Variants in ITGAE observed in about 807,000 individuals in gnomAD.
ITGAE encodes the protein integrin subunit alpha E.
A neutral mutation model predicts 136.5 loss-of-function variants in ITGAE; 99 were observed. The observed-to-expected ratio is 0.73, with a 90% confidence interval of 0.62 to 0.86. The LOEUF (loss-of-function observed/expected upper bound fraction) is 0.86, where lower values mean the gene tolerates loss of function less well. Ranked by LOEUF, ITGAE falls within the 40% of genes least tolerant of loss-of-function variation. The pLI is 0.00. For synonymous variants in ITGAE, 613 were observed against 591.8 expected (o/e 1.04, Z -0.52); for missense variants, 1,447 against 1,515.3 (o/e 0.95, Z 0.75).
chr17:3,723,486 G>T, intron 27 of ITGAE, 103 bp from the exon 28 acceptor site: 1 of 1,023,690 alleles, frequency 9.8e-7, no homozygotes, highest in Non-Finnish European at 1.5e-6. Flanking sequence ...CAGAATAGAG[G>T]GTGTGAGCAA....
At chr17:3,785,606 TAACC>T (rs2052774173) in intron 1 of ITGAE, among the ~76,000 whole-genome samples, 1 of 151,830 alleles carries the variant, frequency 6.6e-6, no homozygotes, top group Non-Finnish European at 1.5e-5. Flanking sequence ...CATTTCTAAA[TAACC>T]CAGGGTGAAA....
chr17:3,793,186 G>A (rs1298033422), intron 1 of ITGAE, among the ~76,000 whole-genome samples: 2 of 151,948 alleles, frequency 1.3e-5, no homozygotes, highest in Non-Finnish European at 2.9e-5. Flanking sequence ...CTGAGTAGCT[G>A]GGAAAACAGG....
At chr17:3,716,947 T>C (rs1049154441) in intron 29 of ITGAE, 149 bp from the exon 30 acceptor site, 2 of 583,828 alleles carry the variant, frequency 3.4e-6, no homozygotes, top group Non-Finnish European at 6.1e-6. Flanking sequence ...AAGCTAGATA[T>C]TCCCTGATGC....
At chr17:3,755,966 G>T in intron 10 of ITGAE, 69 bp from the exon 11 acceptor site, 1 of 1,466,440 alleles carries the variant, frequency 6.8e-7, no homozygotes, top group Middle Eastern at 1.7e-4. Context: ...TCAGGGGACA[G>T]TCCAGCTTGG....
intron 1 of ITGAE, among the ~76,000 whole-genome samples, chr17:3,790,285 T>C (rs1432000890): frequency 6.6e-6 from 1 of 152,090 alleles, no homozygotes; most frequent in East Asian, 1.9e-4. Context: ...CATGGGTGGA[T>C]CACCTGAGGT....
In ITGAE at chr17:3,798,648, G is replaced by A. The variant is rs1201860719; in HGVS notation, c.34+2463C>T. On this transcript the variant is annotated intron_variant, in intron 1 of 30. Transcript: ENST00000263087. This position sits in a 1 kb window ranked among gnomAD's most constrained non-coding sequence, Gnocchi z 4.3. ...CAGCCCCTGGCCTCAGCCCGAGTGCGTGCCACCAGCAGAGCGGGCCCTGGA... is the reference window on the plus strand; with the variant it reads ...CAGCCCCTGGCCTCAGCCCGAGTGCATGCCACCAGCAGAGCGGGCCCTGGA... 6.6e-6 allele frequency among the ~76,000 whole-genome samples: 1 copy of A among 152,198 alleles called. No individual in the cohort carries two copies. The highest frequency in any genetic ancestry group is 1.5e-5 in the Non-Finnish European group (1 of 68,032).
intron 1 of ITGAE, among the ~76,000 whole-genome samples, chr17:3,793,543 A>G (rs1000270805): frequency 1.3e-5 from 2 of 152,196 alleles, no homozygotes; most frequent in Non-Finnish European, 2.9e-5. Flanking sequence ...GGGGAGCAGC[A>G]GGAACAGTAC....
rs775264592 is a variant in ITGAE, at chr17:3,716,777, C to A, written c.3355G>T (p.Asp1119Tyr). ...ATAGGCAAAGAATGGTACTTCTCAT[C>A]TTTCAGGAAGACGACAGTGATCTAG... ...RTKITVVFLK[D>Y]EKYHSLPIII... The change falls in exon 30 of 31, where the codon GAT becomes TAT. Residue 1119 changes from aspartate to tyrosine, a missense_variant. Asp to Tyr is a radical substitution (Grantham distance 160, BLOSUM62 -3). Coordinates refer to ENST00000263087, the MANE Select transcript of ITGAE (RefSeq NM_002208.5). The A allele has an allele frequency of 6.2e-7, 1 of 1,602,578 alleles. No homozygotes were observed. Among genetic ancestry groups the A allele is most frequent in the Non-Finnish European group, 8.6e-7 (1 of 1,169,582 alleles).
At position 3,723,374 on chromosome 17, in the gene ITGAE, C is replaced by G; in HGVS notation, c.3151G>C (p.Glu1051Gln). 1 of 1,612,200 alleles carries G rather than the reference C, an allele frequency of 6.2e-7. No individual in the cohort carries two copies. The highest frequency in any genetic ancestry group is 8.5e-7 in the Non-Finnish European group (1 of 1,178,232). Residue 1051 changes from glutamate to glutamine, a missense_variant, in exon 28 of 31, where the codon GAA (glutamate) becomes CAA (glutamine). Around this residue, in one of 3 missense-constraint regions of ITGAE, gnomAD observed 1,031 missense variants for 1,011.4 expected, o/e 1.02. Coordinates refer to ENST00000263087, the MANE Select transcript of ITGAE (RefSeq NM_002208.5). ...CAYSSVQHVEEWHSVSCVIAS... is the reference protein window; with the variant it reads ...CAYSSVQHVEQWHSVSCVIAS... The stretch of plus-strand genomic sequence containing the variant: ...ATGACACAGCTCACTGAATGCCATT[C>G]TTCCACATGCTGGAAAAGCGAGGTC...
Position 3,734,940 on chromosome 17 carries a change from C to A in ITGAE, c.2532G>T (p.Leu844Phe). 6.2e-7 allele frequency: 1 copy of A among 1,614,176 alleles called. No homozygotes were observed. The highest frequency in any genetic ancestry group is 8.5e-7 in the Non-Finnish European group (1 of 1,180,026). Reference sequence around the variant, plus strand: ...TCAGCTCCTTTGTGAGACCCACCACCAACTCCTGCCTGCACAGGGTACAGA... The same window carrying A: ...TCAGCTCCTTTGTGAGACCCACCACAAACTCCTGCCTGCACAGGGTACAGA... ...QLATTVSQQELVVGLTKELTL... is the reference protein window; with the variant it reads ...QLATTVSQQEFVVGLTKELTL... Residue 844 changes from leucine (L) to phenylalanine (F), a missense_variant, in exon 21 of 31, where the codon TTG becomes TTT. Physicochemically the swap from Leu to Phe is conservative, Grantham distance 22. This residue lies in a region of ITGAE where 1,031 missense variants were observed against 1,011.4 expected (regional missense o/e 1.02). Transcript: ENST00000263087.
chr17:3,739,154 C>T (rs1465807264), intron 20 of ITGAE, among the ~76,000 whole-genome samples: 2 of 152,134 alleles, frequency 1.3e-5, no homozygotes, highest in African/African-American at 2.4e-5. Context: ...CCACATAGCT[C>T]GTTCCCCTAC....
chr17:3,729,570 G>GT lies in ITGAE; in HGVS notation c.2835-16dup, dbSNP rs779121678. 1 of 1,490,080 alleles carries GT rather than the reference G, an allele frequency of 6.7e-7. No homozygotes were observed. Among genetic ancestry groups the GT allele is most frequent in the East Asian group, 2.3e-5 (1 of 44,320 alleles). 92.3% of individuals were successfully genotyped at this position (1,490,080 alleles called of 1,614,324 possible). A position where few individuals can be genotyped will look rare whatever the true frequency, so the allele number is the denominator to read the frequency against. ...TTTCATTGGAACTAGGAATAAGAGT[G>GT]TTAGTTCATAGCACACCTGCTTTGT... On this transcript the variant is annotated splice_polypyrimidine_tract_variant and intron_variant, in intron 23 of 30. Transcript: ENST00000263087.
intron 1 of ITGAE, among the ~76,000 whole-genome samples, chr17:3,796,528 G>A (rs899748650): frequency 5.9e-5 from 9 of 152,144 alleles, no homozygotes; most frequent in African/African-American, 2.2e-4. Flanking sequence ...GTCTGACGCA[G>A]GAGGCTCAGC....
chr17:3,762,092 T>A, intron 3 of ITGAE, 110 bp from the exon 4 acceptor site: 3 of 823,778 alleles, frequency 3.6e-6, no homozygotes, highest in Non-Finnish European at 5.9e-6. Flanking sequence ...CATGAGGAAC[T>A]GTTGGCCACT....
At chr17:3,747,823 CA>C in intron 17 of ITGAE, 98 bp downstream of exon 17, 2 of 327,100 alleles carry the variant, frequency 6.1e-6, no homozygotes, top group South Asian at 3.7e-5. Flanking sequence ...GACCAACACC[CA>C]CCCACCCCCC....
At chr17:3,723,966 C>T in intron 26 of ITGAE, 1 of 1,572,174 alleles carries the variant, frequency 6.4e-7, no homozygotes, top group Non-Finnish European at 8.6e-7. Context: ...ACCTGGGAGC[C>T]GGCTTTTCCG....
chr17:3,759,949 A>G (rs1349711997), intron 7 of ITGAE, among the ~76,000 whole-genome samples: 1 of 152,220 alleles, frequency 6.6e-6, no homozygotes, highest in Non-Finnish European at 1.5e-5. Flanking sequence ...CACATGGTCC[A>G]GACAAGTAAG....
At chr17:3,732,111 C>T (rs896226533) in intron 22 of ITGAE, among the ~76,000 whole-genome samples, 2 of 151,714 alleles carry the variant, frequency 1.3e-5, no homozygotes, top group African/African-American at 2.4e-5. Flanking sequence ...TTGTCTGACA[C>T]GCCCTCCATA....
intron 1 of ITGAE, among the ~76,000 whole-genome samples, chr17:3,789,685 G>A (rs1325739774): frequency 6.6e-6 from 1 of 152,042 alleles, no homozygotes; most frequent in African/African-American, 2.4e-5. Context: ...ATTTTTTGTA[G>A]AGATGGAGTT....
Sources: allele counts gnomAD v4.1 joint callset (sites outside exome capture counted in the v4.1 genomes callset), GRCh38; gene constraint gnomAD v4.1.1; regional missense constraint gnomAD v4.1.1; non-coding constraint Gnocchi (gnomAD v3.1); transcripts MANE v1.5; gene names NCBI Gene and HGNC (gene_info 2026-07-23, HGNC 2026-07-21).